GABRA3: variants seen among roughly 807,000 people sequenced by gnomAD.
GABRA3 encodes the protein gamma-aminobutyric acid receptor subunit alpha-3.
A neutral mutation model predicts 30.1 loss-of-function variants in GABRA3; 10 were observed. The ratio of observed to expected loss-of-function variants is 0.33; its 90% CI spans 0.20 to 0.56. The LOEUF (loss-of-function observed/expected upper bound fraction) is 0.56, where lower values mean the gene tolerates loss of function less well. Among genes scored for constraint, GABRA3 ranks in the 20% least tolerant of loss-of-function variants. The pLI is 0.89. For synonymous variants in GABRA3, 151 were observed against 146.8 expected (o/e 1.03, Z -0.21); for missense variants, 233 against 392.0 (o/e 0.59, Z 3.42).
At chrX:152,286,505 A>G (rs190999146) in intron 3 of GABRA3, among the ~76,000 whole-genome samples, 13 of 111,652 alleles carry the variant, frequency 1.2e-4, no homozygotes, top group Non-Finnish European at 2.4e-4. Flanking sequence ...ATGTATGTCT[A>G]TAATAGAGCT....
chrX:152,275,956 A>T (rs1233436069), intron 4 of GABRA3, among the ~76,000 whole-genome samples: 1 of 110,372 alleles, frequency 9.1e-6, no homozygotes, highest in Non-Finnish European at 1.9e-5. Context: ...ACCTCCCTGT[A>T]AAATCCGATT....
intron 3 of GABRA3, among the ~76,000 whole-genome samples, chrX:152,340,038 TAA>T (rs954593933): frequency 8.9e-6 from 1 of 112,418 alleles, no homozygotes; most frequent in Admixed American, 9.5e-5. Flanking sequence ...TCTGTGTAGT[TAA>T]GTTTAAATCT....
intron 6 of GABRA3, among the ~76,000 whole-genome samples, chrX:152,213,740 T>C (rs1395056158): frequency 3.6e-5 from 4 of 110,876 alleles, no homozygotes; most frequent in Admixed American, 2.9e-4. Context: ...AAGATAGAGA[T>C]CACAAAGAGT....
chrX:152,298,777 C>A (rs1018042177), intron 3 of GABRA3, among the ~76,000 whole-genome samples: 18 of 111,493 alleles, frequency 1.6e-4, no homozygotes, highest in Non-Finnish European at 3.4e-4. Flanking sequence ...ATTTCTAGTT[C>A]TAGATCCCTG....
At chrX:152,247,140 CA>C (rs1369433074) in intron 5 of GABRA3, among the ~76,000 whole-genome samples, 1 of 111,788 alleles carries the variant, frequency 8.9e-6, no homozygotes, top group Admixed American at 9.5e-5. Flanking sequence ...CTCAGTCATA[CA>C]ATAAAAAATT....
At chrX:152,440,217 A>G (rs1930888413) in intron 1 of GABRA3, among the ~76,000 whole-genome samples, 1 of 112,690 alleles carries the variant, frequency 8.9e-6, no homozygotes, top group East Asian at 2.8e-4. Flanking sequence ...AAGGATATGA[A>G]CAGGCACTTC....
chrX:152,256,432 T>G (rs183334354), intron 4 of GABRA3, among the ~76,000 whole-genome samples: 55 of 111,406 alleles, frequency 4.9e-4, no homozygotes, highest in African/African-American at 1.6e-3. Context: ...TATCGTACAT[T>G]TAATCTGAGC....
At chrX:152,393,384 C>T (rs748535015) in intron 1 of GABRA3, 1 of 356,547 alleles carries the variant, frequency 2.8e-6, no homozygotes, top group South Asian at 2.7e-5. Flanking sequence ...ATACTAAACT[C>T]ATATACACGA....
chrX:152,340,023 G>T (rs1940291855), intron 3 of GABRA3, among the ~76,000 whole-genome samples: 1 of 111,838 alleles, frequency 8.9e-6, no homozygotes, highest in South Asian at 3.7e-4. Flanking sequence ...TATTTAATGA[G>T]ATTATCTGTG....
At chrX:152,250,268 C>A in intron 5 of GABRA3, among the ~76,000 whole-genome samples, 1 of 111,481 alleles carries the variant, frequency 9.0e-6, no homozygotes, top group Non-Finnish European at 1.9e-5. Context: ...GCACAGGTCT[C>A]TTTAACTGTA....
chrX:152,451,159 C>T lies in GABRA3; in HGVS notation c.-40G>A, dbSNP rs1227639313. 8.9e-6 allele frequency: 1 copy of T among 112,229 alleles called. No homozygotes were observed. Among genetic ancestry groups the T allele is most frequent in the Non-Finnish European group, 1.9e-5 (1 of 53,303 alleles). The allele number at this position is 112,229 out of a possible 1,213,427, so 9.2% of individuals were successfully genotyped here. A position where few individuals can be genotyped will look rare whatever the true frequency, so the allele number is the denominator to read the frequency against. ...AATGTTTCTTACCGAGCTCTACAGT[C>T]TGAGCGGAAAGGAGAGAAGGATGAA... is the stretch of plus-strand genomic sequence containing the variant. On this transcript the variant is annotated 5_prime_UTR_variant, in exon 1 of 10. Coordinates refer to ENST00000370314, the MANE Select transcript of GABRA3 (RefSeq NM_000808.4).
intron 3 of GABRA3, among the ~76,000 whole-genome samples, chrX:152,342,945 C>T (rs891694257): frequency 1.8e-5 from 2 of 111,343 alleles, no homozygotes; most frequent in East Asian, 2.8e-4. Flanking sequence ...GATGTTTTAC[C>T]CACTGTTTCC....
chrX:152,350,343 A>G (rs1489910000), intron 2 of GABRA3, among the ~76,000 whole-genome samples: 1 of 98,333 alleles, frequency 1.0e-5, no homozygotes, highest in African/African-American at 3.8e-5. Context: ...AAATGCCCAC[A>G]AGAGAAAGCA....
intron 2 of GABRA3, among the ~76,000 whole-genome samples, chrX:152,351,266 ATCT>A (rs1404485556): frequency 3.6e-5 from 4 of 112,279 alleles, no homozygotes; most frequent in Non-Finnish European, 7.5e-5. Context: ...CCTGAAAGAC[ATCT>A]TCTTCCAATA....
Position 152,175,812 on chromosome X carries a change from C to T in GABRA3, c.1144-7249G>A, listed in dbSNP as rs900066007. On this transcript the variant is annotated intron_variant, in intron 9 of 9. Coordinates refer to ENST00000370314, the MANE Select transcript of GABRA3 (RefSeq NM_000808.4). ...GGGCACGGTGCCTCACGCCTGTAAT[C>T]CCAGCACTTTGGGAGGCCAAGGCGG... Among the ~76,000 whole-genome samples, 7 of 111,029 alleles carry T rather than the reference C, an allele frequency of 6.3e-5. No individual in the cohort carries two copies. In the East Asian group the frequency reaches 1.7e-3, roughly 27 times the overall value.
intron 4 of GABRA3, among the ~76,000 whole-genome samples, chrX:152,277,335 AATGT>A (rs1004103588): frequency 7.2e-5 from 8 of 111,291 alleles, no homozygotes; most frequent in African/African-American, 2.6e-4. Context: ...GCCATATCAG[AATGT>A]ATGTTATCTG....
intron 5 of GABRA3, among the ~76,000 whole-genome samples, chrX:152,232,746 A>G (rs1347259401): frequency 9.2e-6 from 1 of 109,085 alleles, no homozygotes; most frequent in Non-Finnish European, 1.9e-5. Context: ...ATGGTTCCAT[A>G]TATTTGCTAT....
At chrX:152,197,518 G>T in intron 8 of GABRA3, 115 bp downstream of exon 8, 1 of 648,730 alleles carries the variant, frequency 1.5e-6, no homozygotes, top group African/African-American at 2.2e-5. Flanking sequence ...AGTTACTCCT[G>T]CTAGGCACAG....
At chrX:152,196,687 A>G (rs1368256911) in intron 8 of GABRA3, among the ~76,000 whole-genome samples, 1 of 111,497 alleles carries the variant, frequency 9.0e-6, no homozygotes, top group African/African-American at 3.3e-5. Flanking sequence ...TCTCATGTAA[A>G]CTCAGTACAG....
Sources: gnomAD v4.1 joint callset for allele counts (sites outside exome capture counted in the v4.1 genomes callset) on GRCh38, gnomAD v4.1.1 for gene constraint, MANE v1.5 for transcripts, NCBI Gene and HGNC (gene_info 2026-07-23, HGNC 2026-07-21) for gene names.